The following NAA60 variants were observed in gnomAD, a reference collection of about 807,000 sequenced individuals.
NAA60 encodes the protein N-alpha-acetyltransferase 60.
A neutral mutation model predicts 26.1 loss-of-function variants in NAA60; 8 were observed. That is an observed-to-expected ratio of 0.31 (90% confidence interval 0.18 to 0.55). The LOEUF is 0.55. NAA60 is among the 20% of genes least tolerant of loss of function. The pLI, the probability that NAA60 is intolerant of heterozygous loss-of-function variation, is 0.93. For synonymous variants in NAA60, 131 were observed against 122.5 expected, an observed-to-expected ratio of 1.07 and a Z score of -0.46; for missense variants, 290 against 311.3, an observed-to-expected ratio of 0.93 and a Z score of 0.51.
chr16:3,460,440 C>T (rs1294069928), intron 2 of NAA60, among the ~76,000 whole-genome samples: 2 of 152,144 alleles, frequency 1.3e-5, no homozygotes, highest in African/African-American at 4.8e-5. Context: ...CTCGGCTCAC[C>T]GCAACCTCCA....
intron 2 of NAA60, chr16:3,462,696 C>G (rs2035489350): frequency 6.6e-6 from 1 of 152,148 alleles, no homozygotes; most frequent in South Asian, 2.1e-4. Context: ...AAGCCCTCTT[C>G]TATTAAGAAA....
At chr16:3,460,609 G>A (rs1421590692) in intron 2 of NAA60, among the ~76,000 whole-genome samples, 1 of 152,206 alleles carries the variant, frequency 6.6e-6, no homozygotes, top group East Asian at 1.9e-4. Context: ...CAAGTGATCC[G>A]CCGCCTCAGC....
chr16:3,446,425 G>A (rs2034556272), intron 1 of NAA60, among the ~76,000 whole-genome samples: 1 of 151,258 alleles, frequency 6.6e-6, no homozygotes, highest in Admixed American at 6.6e-5. Context: ...CAGCTACTCG[G>A]GAGGCTGAGG....
chr16:3,476,452 G>A (rs2036490375), intron 3 of NAA60, 115 bp downstream of exon 3: 1 of 795,844 alleles, frequency 1.3e-6, no homozygotes, highest in African/African-American at 1.7e-5. Flanking sequence ...AGATGGGAAT[G>A]GCCTGGAGGG....
At position 3,484,986 on chromosome 16, in the gene NAA60, A is replaced by G; in HGVS notation, c.*131A>G. ...CTAACTGGGCTCGTCGGCCTGCCCC[A>G]GCTGCAGGCCCGGTGCTACACGGGC... On this transcript the variant is annotated 3_prime_UTR_variant, in exon 7 of 8. Coordinates refer to ENST00000407558, the MANE Select transcript of NAA60 (RefSeq NM_001083601.3). 1 of 1,528,212 alleles carries G rather than the reference A, an allele frequency of 6.5e-7. No homozygotes were observed. Among genetic ancestry groups the G allele is most frequent in the Non-Finnish European group, 8.8e-7 (1 of 1,139,878 alleles). The allele number at this position is 1,528,212 out of a possible 1,614,324, so 94.7% of individuals were successfully genotyped here.
intron 2 of NAA60, chr16:3,458,244 T>A: frequency 1.1e-6 from 1 of 944,344 alleles, no homozygotes; most frequent in Non-Finnish European, 1.3e-6. Context: ...GGGGGCGGGG[T>A]AGGCGGGGAG....
chr16:3,458,543 G>T (rs1460098864), intron 2 of NAA60, among the ~76,000 whole-genome samples: 1 of 152,138 alleles, frequency 6.6e-6, no homozygotes, highest in Non-Finnish European at 1.5e-5. Flanking sequence ...GTGGGGTGTC[G>T]CGCGAGGTGA....
At chr16:3,454,740 C>T (rs1400621320) in intron 2 of NAA60, among the ~76,000 whole-genome samples, 1 of 152,186 alleles carries the variant, frequency 6.6e-6, no homozygotes, top group Admixed American at 6.5e-5. Context: ...CGGCAGATGT[C>T]CCTCTGCTTG....
chr16:3,443,627 C>G, upstream of NAA60: 1 of 945,080 alleles, frequency 1.1e-6, no homozygotes, highest in Non-Finnish European at 1.5e-6. Context: ...GGACCTGTAG[C>G]CACTGGGCAG....
chr16:3,460,277 G>A (rs1169263154), intron 2 of NAA60, among the ~76,000 whole-genome samples: 3 of 152,200 alleles, frequency 2.0e-5, no homozygotes, highest in Admixed American at 6.5e-5. Context: ...CCACATCTGC[G>A]TCATCTCCAT....
rs114173034 is a variant in NAA60, at chr16:3,485,702, A to T, written c.*442A>T. On this transcript the variant is annotated 3_prime_UTR_variant, in exon 8 of 8. Transcript: ENST00000407558. ...AAGTATTATGGACACACTTGACCGT[A>T]AAGGCACAGGAGCCTCGGAACAAGG... 1 of 456,574 alleles carries T rather than the reference A, an allele frequency of 2.2e-6. No homozygotes were observed. Among genetic ancestry groups the T allele is most frequent in the Admixed American group, 2.3e-5 (1 of 42,576 alleles). The allele number at this position is 456,574 out of a possible 1,614,324, so 28.3% of individuals were successfully genotyped here. A position where few individuals can be genotyped will look rare whatever the true frequency, so the allele number is the denominator to read the frequency against.
At chr16:3,448,668 A>G (rs1052581131) in intron 2 of NAA60, 128 bp downstream of exon 2, 16 of 721,076 alleles carry the variant, frequency 2.2e-5, no homozygotes, top group Non-Finnish European at 3.5e-5. Context: ...ACTGAATGAT[A>G]GAAGGCGCCT....
intron 3 of NAA60, among the ~76,000 whole-genome samples, chr16:3,476,828 G>A (rs59689055): frequency 0.02 from 3,034 of 152,210 alleles, 91 homozygotes; most frequent in African/African-American, 0.069. Context: ...GATCACCTGA[G>A]GTCAGGAGTT....
intron 2 of NAA60, among the ~76,000 whole-genome samples, chr16:3,458,939 G>T (rs957645099): frequency 6.6e-6 from 1 of 152,182 alleles, no homozygotes; most frequent in South Asian, 2.1e-4. Flanking sequence ...CCACAAATCT[G>T]TGTGCCCAAA....
At chr16:3,480,772 G>A (rs1023085678) in intron 4 of NAA60, among the ~76,000 whole-genome samples, 4 of 152,098 alleles carry the variant, frequency 2.6e-5, no homozygotes, top group Admixed American at 1.3e-4. Context: ...CAGGCATGAT[G>A]GCGCTTGCCT....
chr16:3,443,964 G>A (rs2150936955), intron 1 of NAA60, 127 bp downstream of exon 1: 25 of 1,384,812 alleles, frequency 1.8e-5, no homozygotes, highest in Non-Finnish European at 2.0e-5. Flanking sequence ...GCGGATGGTG[G>A]GGCCGTGGAA....
chr16:3,477,041 C>CA lies in NAA60; in HGVS notation c.110+712dup, dbSNP rs202096611. On this transcript the variant is annotated intron_variant, in intron 3 of 7. Coordinates refer to ENST00000407558, the MANE Select transcript of NAA60 (RefSeq NM_001083601.3). ...GGGCAACAAGAGCGATATTCCGTTT[C>CA]AAAAAAAAGAAAGAAAGATATTAAA... Among the ~76,000 whole-genome samples the CA allele has an allele frequency of 3.1e-4, 46 of 147,766 alleles. No homozygotes were observed. The East Asian group carries it at 3.7e-3, about 12-fold the overall frequency.
chr16:3,469,085 C>CAAAA (rs57070540), intron 2 of NAA60, among the ~76,000 whole-genome samples: 3 of 129,144 alleles, frequency 2.3e-5, no homozygotes, highest in Non-Finnish European at 3.3e-5. Flanking sequence ...GACAACATCT[C>CAAAA]AAAAAAAAAA....
rs1032787316 is a variant in NAA60 at position 3,479,455 on chromosome 16, A to G, written c.111-16A>G. ...TGACCTGTGGCAGGTTCACCTGAGT[A>G]TGTTCTGTTTCTCAGGTACCCAGAC... On this transcript the variant is annotated splice_polypyrimidine_tract_variant and intron_variant, in intron 3 of 7. Coordinates refer to ENST00000407558, the MANE Select transcript of NAA60 (RefSeq NM_001083601.3). The G allele has an allele frequency of 1.2e-6, 2 of 1,613,178 alleles. No individual in the cohort carries two copies. The highest frequency in any genetic ancestry group is 1.6e-4 in the Middle Eastern group (1 of 6,062).
Sources: allele counts gnomAD v4.1 joint callset (sites outside exome capture counted in the v4.1 genomes callset), GRCh38; gene constraint gnomAD v4.1.1; transcripts MANE v1.5; gene names NCBI Gene and HGNC (gene_info 2026-07-23, HGNC 2026-07-21).